The following SPIRE1 variants were observed in gnomAD, a reference collection of about 807,000 sequenced individuals.
SPIRE1 encodes spire type actin nucleation factor 1, also known as protein spire homolog 1.
SPIRE1 carries 40 observed loss-of-function variants against 94.1 expected under a neutral mutation model. That is an observed-to-expected ratio of 0.43 (90% CI 0.33 to 0.55). The LOEUF is 0.55. Among genes scored for constraint, SPIRE1 ranks in the 20% least tolerant of loss-of-function variants. The probability of loss-of-function intolerance (pLI) is 0.06; values close to 1 mark genes in which losing one functional copy is unlikely to be tolerated. For synonymous variants in SPIRE1, 376 were observed against 371.7 expected, an observed-to-expected ratio of 1.01 and a Z score of -0.13; for missense variants, 838 against 975.2, an observed-to-expected ratio of 0.86 and a Z score of 1.87.
At chr18:12,470,638 T>C (rs2032319541) in intron 10 of SPIRE1, among the ~76,000 whole-genome samples, 1 of 152,188 alleles carries the variant, frequency 6.6e-6, no homozygotes, top group African/African-American at 2.4e-5. Context: ...TGTGTGCATA[T>C]GTGTGGGTAC....
At position 12,655,284 on chromosome 18, in the gene SPIRE1, G is replaced by C. The variant is rs375388150; in HGVS notation, c.337+2246C>G. 2.0e-5 allele frequency among the ~76,000 whole-genome samples: 3 copies of C among 150,758 alleles called. No homozygotes were observed. In the South Asian group the frequency reaches 6.3e-4, roughly 32 times the overall value. On this transcript the variant is annotated intron_variant, in intron 1 of 16. Transcript: ENST00000409402. ...AGAGAGAGAAAGAGAAAGAAATAAA[G>C]CGAAAGAAAGAAGGAAGGAATAGAA...
rs75219136 is a variant in SPIRE1 at position 12,652,837 on chromosome 18, C to A, written c.337+4693G>T. On this transcript the variant is annotated intron_variant, in intron 1 of 16. Transcript: ENST00000409402. ...GTTAAAAGTAAACAAGAATTAAAAT[C>A]AATTACTACCACATTCAGTCCCCTA... is the stretch of plus-strand genomic sequence containing the variant. Among the ~76,000 whole-genome samples, 1,439 of 152,294 alleles carry A rather than the reference C, an allele frequency of 9.4e-3. 54 individuals are homozygous for A. The highest frequency in any genetic ancestry group is 0.06 in the Admixed American group (923 of 15,298).
chr18:12,483,019 C>T lies in SPIRE1; in HGVS notation c.1231+2940G>A, dbSNP rs545467509. Among the ~76,000 whole-genome samples, 19 of 150,178 alleles carry T rather than the reference C, an allele frequency of 1.3e-4. No individual in the cohort carries two copies. In the South Asian group the frequency reaches 3.6e-3, roughly 28 times the overall value. ...GCAGTGGCACAATTATGGCTCACTG[C>T]AGCCTTGACCTCTCGGGCTCAGGCG... On this transcript the variant is annotated intron_variant, in intron 9 of 16. Transcript: ENST00000409402.
intron 2 of SPIRE1, among the ~76,000 whole-genome samples, chr18:12,610,822 T>G (rs2037119047): frequency 6.6e-6 from 1 of 152,132 alleles, no homozygotes; most frequent in African/African-American, 2.4e-5. Flanking sequence ...TGACCCTGCT[T>G]TCCATTTCAC....
intron 2 of SPIRE1, among the ~76,000 whole-genome samples, chr18:12,558,517 C>T (rs2035585781): frequency 6.6e-6 from 1 of 152,204 alleles, no homozygotes; most frequent in Non-Finnish European, 1.5e-5. Flanking sequence ...TGCTTTTATT[C>T]TCTTATCTGG....
intron 2 of SPIRE1, among the ~76,000 whole-genome samples, chr18:12,549,511 G>A (rs1457859559): frequency 7.4e-6 from 1 of 135,792 alleles, no homozygotes; most frequent in Admixed American, 8.0e-5. Context: ...GAGTGTAGTG[G>A]CGCGATCTCG....
rs1329058140 is a variant in SPIRE1, at chr18:12,559,551, C to T, written c.373-12647G>A. 6.6e-6 allele frequency among the ~76,000 whole-genome samples: 1 copy of T among 152,230 alleles called. No homozygotes were observed. The highest frequency in any genetic ancestry group is 1.9e-4 in the East Asian group (1 of 5,184). On this transcript the variant is annotated intron_variant, in intron 2 of 16. Transcript: ENST00000409402. This position sits in a 1 kb window ranked among gnomAD's most constrained non-coding sequence, Gnocchi z 4.7. ...GGGGCTCCCACGGTGCAGCAGCAGG[C>T]TGAAGGGCTCCTCAAGCATGGCCAG...
At chr18:12,539,937 A>G (rs1010226868) in intron 3 of SPIRE1, among the ~76,000 whole-genome samples, 48 of 151,768 alleles carry the variant, frequency 3.2e-4, no homozygotes, top group African/African-American at 1.1e-3. Context: ...AAAAAAAAAA[A>G]AAAAAGAAAA....
intron 1 of SPIRE1, among the ~76,000 whole-genome samples, chr18:12,643,486 C>T (rs2038140683): frequency 6.6e-6 from 1 of 152,212 alleles, no homozygotes; most frequent in South Asian, 2.1e-4. Context: ...TCTTTAGAAT[C>T]TCCTGCCCCT....
intron 10 of SPIRE1, among the ~76,000 whole-genome samples, chr18:12,476,090 C>T (rs1452690866): frequency 2.0e-5 from 3 of 152,160 alleles, no homozygotes; most frequent in Non-Finnish European, 4.4e-5. Flanking sequence ...TTAGAATAAA[C>T]ACAATTCATC....
chr18:12,490,440 C>T (rs1301496266), intron 8 of SPIRE1, among the ~76,000 whole-genome samples: 1 of 152,100 alleles, frequency 6.6e-6, no homozygotes, highest in Non-Finnish European at 1.5e-5. Flanking sequence ...TCTTTCAAAA[C>T]ACTGAAGATG....
rs565315095 is a variant in SPIRE1, at chr18:12,519,613, T to C, written c.730-7082A>G. 9.9e-5 allele frequency among the ~76,000 whole-genome samples: 15 copies of C among 152,242 alleles called. No individual in the cohort carries two copies. In the East Asian group the frequency reaches 2.7e-3, roughly 27 times the overall value. On this transcript the variant is annotated intron_variant, in intron 4 of 16. Transcript: ENST00000409402. ...TTATATCACAAAGTTATTTTCTTAA[T>C]AAATAAAGACAAATTAATAAGACCA...
At chr18:12,533,279 T>G (rs2034740493) in intron 4 of SPIRE1, among the ~76,000 whole-genome samples, 1 of 152,260 alleles carries the variant, frequency 6.6e-6, no homozygotes, top group South Asian at 2.1e-4. Flanking sequence ...GGCCAGTTTC[T>G]GCAGGCACTG....
chr18:12,603,636 G>A (rs887791904), intron 2 of SPIRE1, among the ~76,000 whole-genome samples: 8 of 150,676 alleles, frequency 5.3e-5, no homozygotes, highest in African/African-American at 1.7e-4. Flanking sequence ...GTGCAGTGGT[G>A]CAATCTCGGC....
intron 6 of SPIRE1, among the ~76,000 whole-genome samples, chr18:12,503,471 G>C (rs1318790697): frequency 6.6e-6 from 1 of 152,128 alleles, no homozygotes; most frequent in Non-Finnish European, 1.5e-5. Context: ...GAGGCTGCAC[G>C]GGTTCGGTCC....
At chr18:12,499,582 TTAACTAAAAAAAC>T (rs1279309429) in intron 6 of SPIRE1, among the ~76,000 whole-genome samples, 1 of 151,108 alleles carries the variant, frequency 6.6e-6, no homozygotes, top group African/African-American at 2.4e-5. Flanking sequence ...TATATATAAA[TTAACTAAAAAAAC>T]TGATCAAAGA....
chr18:12,633,729 A>G (rs1195632641), intron 2 of SPIRE1, among the ~76,000 whole-genome samples: 2 of 152,226 alleles, frequency 1.3e-5, no homozygotes, highest in African/African-American at 2.4e-5. Flanking sequence ...CAATATGTAG[A>G]TGCATTATAA....
At position 12,452,295 on chromosome 18, in the gene SPIRE1, G is replaced by A; in HGVS notation, c.1972C>T (p.Pro658Ser). The change falls in exon 16 of 17, where the codon CCC (proline) becomes TCC (serine). Residue 658 changes from proline to serine, a missense_variant. By Grantham distance (74) the Pro-to-Ser change is moderately conservative. Around this residue, in one of 2 missense-constraint regions of SPIRE1, gnomAD observed 645 missense variants for 804.7 expected, o/e 0.80. Transcript: ENST00000409402. ...AGTGGCCGATGATGGGCAGTGGAGGGTTTTTCTGACCTCATACTACTTTCC... is the reference window on the plus strand; with the variant it reads ...AGTGGCCGATGATGGGCAGTGGAGGATTTTTCTGACCTCATACTACTTTCC... ...RGESSMRSEK[P>S]STAHHRPLRS... 1 of 1,614,120 alleles carries A rather than the reference G, an allele frequency of 6.2e-7. No homozygotes were observed. Among genetic ancestry groups the A allele is most frequent in the South Asian group, 1.1e-5 (1 of 91,074 alleles).
At chr18:12,491,625 G>C (rs1325976828) in intron 8 of SPIRE1, among the ~76,000 whole-genome samples, 1 of 152,034 alleles carries the variant, frequency 6.6e-6, no homozygotes, top group Admixed American at 6.5e-5. Flanking sequence ...TTTGTCACCA[G>C]AAAGTACATT....
Sources: allele counts gnomAD v4.1 joint callset (sites outside exome capture counted in the v4.1 genomes callset), GRCh38; gene constraint gnomAD v4.1.1; regional missense constraint gnomAD v4.1.1; non-coding constraint Gnocchi (gnomAD v3.1); transcripts MANE v1.5; gene names NCBI Gene and HGNC (gene_info 2026-07-23, HGNC 2026-07-21).